Variants in EML1 observed in about 807,000 individuals in gnomAD.
The protein encoded by EML1 is EMAP like 1.
Under a neutral mutation model 110.4 loss-of-function variants are expected in EML1, and 27 were observed. The ratio of observed to expected loss-of-function variants is 0.24; its 90% CI spans 0.18 to 0.34. The LOEUF (loss-of-function observed/expected upper bound fraction) is 0.34. Among genes scored for constraint, EML1 ranks in the 10% least tolerant of loss-of-function variants. The pLI is 1.00. For missense variants in EML1, 741 were observed against 1,030.9 expected (o/e 0.72, Z 3.85); for synonymous variants, 344 against 385.8 (o/e 0.89, Z 1.27).
At chr14:99,899,834 G>A (rs1425676687) in intron 8 of EML1, among the ~76,000 whole-genome samples, 1 of 151,808 alleles carries the variant, frequency 6.6e-6, no homozygotes, top group Non-Finnish European at 1.5e-5. Flanking sequence ...AAATTGAATC[G>A]GTACTTTAGA....
intron 3 of EML1, among the ~76,000 whole-genome samples, chr14:99,876,919 C>T (rs767927159): frequency 6.6e-6 from 1 of 152,080 alleles, no homozygotes; most frequent in Non-Finnish European, 1.5e-5. Flanking sequence ...TGCAAAGCTA[C>T]GAAAATGATA....
chr14:99,940,005 G>T lies in EML1; in HGVS notation c.2341G>T (p.Gly781Cys). 7.0e-6 allele frequency: 11 copies of T among 1,580,110 alleles called. No homozygotes were observed. Among genetic ancestry groups the T allele is most frequent in the African/African-American group, 1.4e-5 (1 of 73,782 alleles). Reference sequence around the variant, plus strand: ...CCTCCAGGCTCCAAGCCACATCTACGGCGGGCACAGCAGCCATGTCACCAA... The same window carrying T: ...CCTCCAGGCTCCAAGCCACATCTACTGCGGGCACAGCAGCCATGTCACCAA... ...SQFRAPSHIY[G>C]GHSSHVTNVD... is the part of the protein sequence containing the mutation. The change falls in exon 22 of 22, where the codon GGC becomes TGC. Residue 781 changes from glycine (G) to cysteine (C), a missense_variant. Physicochemically the swap from Gly to Cys is radical, Grantham distance 159. Coordinates refer to ENST00000262233, the MANE Select transcript of EML1 (RefSeq NM_004434.3).
intron 1 of EML1, among the ~76,000 whole-genome samples, chr14:99,755,666 G>A (rs1409802091): frequency 6.6e-6 from 1 of 152,170 alleles, no homozygotes; most frequent in Non-Finnish European, 1.5e-5. Flanking sequence ...GCCCTCCTGG[G>A]GAACAGGGTG....
intron 1 of EML1, among the ~76,000 whole-genome samples, chr14:99,785,198 A>G (rs7161510): frequency 0.052 from 7,866 of 152,086 alleles, 240 homozygotes; most frequent in African/African-American, 0.065. Context: ...GGGATTACAG[A>G]CACACGCCAC....
chr14:99,937,338 C>T (rs1050204676), intron 19 of EML1, among the ~76,000 whole-genome samples: 7 of 152,176 alleles, frequency 4.6e-5, no homozygotes, highest in African/African-American at 1.4e-4. Flanking sequence ...GATGTGGTCT[C>T]GTACTCTGCT....
chr14:99,922,101 G>C (rs918061420), intron 17 of EML1, among the ~76,000 whole-genome samples: 2 of 152,036 alleles, frequency 1.3e-5, no homozygotes, highest in Admixed American at 1.3e-4. Flanking sequence ...CTAATTGCTG[G>C]GTAGTTTTCC....
chr14:99,874,574 C>T (rs929244150), intron 3 of EML1, among the ~76,000 whole-genome samples: 7 of 147,536 alleles, frequency 4.7e-5, no homozygotes, highest in Non-Finnish European at 7.4e-5. Flanking sequence ...CTTGTTACTG[C>T]AAATGTCTTG....
chr14:99,804,454 A>G (rs952464865), intron 1 of EML1, among the ~76,000 whole-genome samples: 6 of 152,138 alleles, frequency 3.9e-5, no homozygotes, highest in Non-Finnish European at 5.9e-5. Context: ...TATTGTCTCC[A>G]TTTTGACCGA....
chr14:99,844,995 T>C (rs1409917338), intron 1 of EML1, among the ~76,000 whole-genome samples: 1 of 152,168 alleles, frequency 6.6e-6, no homozygotes, highest in African/African-American at 2.4e-5. Context: ...GGCGTATCGG[T>C]TTTTGTATGA....
intron 1 of EML1, among the ~76,000 whole-genome samples, chr14:99,833,219 G>A (rs1216616025): frequency 1.3e-5 from 2 of 152,202 alleles, no homozygotes; most frequent in South Asian, 2.1e-4. Context: ...TTTTGTGTGT[G>A]TGGGTATGGA....
At chr14:99,865,418 G>T in intron 2 of EML1, 96 bp from the exon 3 acceptor site, 1 of 1,492,282 alleles carries the variant, frequency 6.7e-7, no homozygotes. Flanking sequence ...CTGCTGTGTG[G>T]CCTCATCTTC....
intron 3 of EML1, among the ~76,000 whole-genome samples, chr14:99,875,378 T>C (rs2059273368): frequency 6.6e-6 from 1 of 152,214 alleles, no homozygotes; most frequent in African/African-American, 2.4e-5. Context: ...ATACAGTATA[T>C]GTAAAAGTCC....
intron 1 of EML1, among the ~76,000 whole-genome samples, chr14:99,795,049 G>A (rs760527145): frequency 1.3e-5 from 2 of 152,172 alleles, no homozygotes; most frequent in East Asian, 1.9e-4. Context: ...AAAGATATGT[G>A]GCTGAAATTT....
chr14:99,913,757 T>C (rs1259380251), intron 13 of EML1, among the ~76,000 whole-genome samples: 2 of 152,176 alleles, frequency 1.3e-5, no homozygotes, highest in East Asian at 1.9e-4. Context: ...TGGCGTGATC[T>C]CGGCTCACTG....
chr14:99,861,870 A>C (rs2059008467), intron 2 of EML1, among the ~76,000 whole-genome samples: 2 of 152,236 alleles, frequency 1.3e-5, no homozygotes, highest in Admixed American at 1.3e-4. Flanking sequence ...CCATAGACCC[A>C]GTACCCAGTT....
At chr14:99,742,523 C>T (rs1030809808) in intron 1 of EML1, among the ~76,000 whole-genome samples, 1 of 151,996 alleles carries the variant, frequency 6.6e-6, no homozygotes, top group African/African-American at 2.4e-5. Flanking sequence ...AGGAGGGACC[C>T]GGAGGAGGGC....
At chr14:99,842,055 C>G (rs1172523564) in intron 1 of EML1, among the ~76,000 whole-genome samples, 2 of 152,138 alleles carry the variant, frequency 1.3e-5, no homozygotes, top group African/African-American at 4.8e-5. Flanking sequence ...AAAGCTAAAG[C>G]TCAATTATTG....
At chr14:99,918,990 AGT>A (rs1438828524) in intron 16 of EML1, among the ~76,000 whole-genome samples, 1 of 152,158 alleles carries the variant, frequency 6.6e-6, no homozygotes, top group African/African-American at 2.4e-5. Flanking sequence ...ACTTAGCAGC[AGT>A]GTCTTTGAGC....
rs796383906 is a variant in EML1, at chr14:99,776,288, G to A, written c.-27+2275G>A. The stretch of plus-strand genomic sequence containing the variant: ...GGCCAAATCAGGTGGATCACCTGAG[G>A]GGTCGGGAGCTCGAGACCAGCCTGG... On this transcript the variant is annotated intron_variant, in intron 1 of 22. Coordinates refer to the EML1 transcript ENST00000327921. Among the ~76,000 whole-genome samples the A allele has an allele frequency of 5.3e-5, 8 of 152,206 alleles. 1 individual carries two copies. The highest frequency in any genetic ancestry group is 1.9e-4 in the African/African-American group (8 of 41,516).
Sources: gnomAD v4.1 joint callset for allele counts (sites outside exome capture counted in the v4.1 genomes callset) on GRCh38, gnomAD v4.1.1 for gene constraint, MANE v1.5 for transcripts, NCBI Gene and HGNC (gene_info 2026-07-23, HGNC 2026-07-21) for gene names.